SETD3: variants seen among roughly 807,000 people sequenced by gnomAD.
SETD3 encodes SET domain containing 3, actin N3(tau)-histidine methyltransferase.
SETD3 carries 19 observed loss-of-function variants against 63.0 expected under a neutral mutation model. The observed-to-expected ratio is 0.30, with a 90% confidence interval of 0.21 to 0.44. SETD3 has a LOEUF of 0.44. SETD3 is among the 20% of genes least tolerant of loss of function. SETD3 has a pLI of 1.00. For synonymous variants in SETD3, 286 were observed against 264.1 expected, an observed-to-expected ratio of 1.08 and a Z score of -0.80; for missense variants, 587 against 728.5, an observed-to-expected ratio of 0.81 and a Z score of 2.24.
At chr14:99,436,203 G>A (rs1468689064) in intron 6 of SETD3, among the ~76,000 whole-genome samples, 1 of 152,128 alleles carries the variant, frequency 6.6e-6, no homozygotes, top group Non-Finnish European at 1.5e-5. Flanking sequence ...GAATGATGGA[G>A]ATTACAATTC....
intron 6 of SETD3, among the ~76,000 whole-genome samples, chr14:99,437,738 G>A (rs576470154): frequency 6.6e-6 from 1 of 152,170 alleles, no homozygotes; most frequent in Admixed American, 6.5e-5. Context: ...ATCTCTTTCA[G>A]TTTTGAGATA....
intron 1 of SETD3, among the ~76,000 whole-genome samples, chr14:99,468,534 C>T (rs1895522120): frequency 6.6e-6 from 1 of 152,176 alleles, no homozygotes; most frequent in African/African-American, 2.4e-5. Context: ...CAGGGTCAGT[C>T]ACCCTGGAAT....
rs371186295 is a variant in SETD3, at chr14:99,427,613, C to A, written c.676-13679G>T. Among the ~76,000 whole-genome samples the A allele has an allele frequency of 2.0e-4, 31 of 152,304 alleles. No individual in the cohort carries two copies. The South Asian group carries it at 4.1e-3, about 20-fold the overall frequency. On this transcript the variant is annotated intron_variant, in intron 6 of 12. Coordinates refer to ENST00000331768, the MANE Select transcript of SETD3 (RefSeq NM_032233.3). ...ATCCTTGATGTACTAATGCACATTTCTGCAGCTTCAGAGCCACTTTAATCT... is the reference window on the plus strand; with the variant it reads ...ATCCTTGATGTACTAATGCACATTTATGCAGCTTCAGAGCCACTTTAATCT...
chr14:99,423,614 A>AAAAAAAAAAAAAAAAAAAAAAAAAAAAAT (rs1892713714), intron 6 of SETD3, among the ~76,000 whole-genome samples: 1 of 147,022 alleles, frequency 6.8e-6, no homozygotes, highest in African/African-American at 2.5e-5. Flanking sequence ...AAAAAAAAAA[A>AAAAAAAAAAAAAAAAAAAAAAAAAAAAAT]GAGCAGGCAC....
At chr14:99,479,123 G>A (rs1438744761) in intron 1 of SETD3, among the ~76,000 whole-genome samples, 1 of 152,172 alleles carries the variant, frequency 6.6e-6, no homozygotes, top group Admixed American at 6.5e-5. Context: ...TTAGCACACT[G>A]GAGAAGCAAC....
intron 6 of SETD3, among the ~76,000 whole-genome samples, chr14:99,431,420 C>T (rs929593185): frequency 6.6e-6 from 1 of 152,158 alleles, no homozygotes; most frequent in Non-Finnish European, 1.5e-5. Flanking sequence ...CTAGTGCACA[C>T]CATTCACAAA....
intron 1 of SETD3, among the ~76,000 whole-genome samples, chr14:99,473,545 G>A (rs754493911): frequency 6.6e-6 from 1 of 152,174 alleles, no homozygotes; most frequent in Non-Finnish European, 1.5e-5. Flanking sequence ...CTCAAGCACA[G>A]CATCTGTTTT....
intron 1 of SETD3, among the ~76,000 whole-genome samples, chr14:99,473,153 GCTGA>G (rs1303660774): frequency 3.3e-5 from 5 of 152,180 alleles, no homozygotes; most frequent in African/African-American, 7.2e-5. Flanking sequence ...TATTTAAAGT[GCTGA>G]CTAATATACA....
intron 6 of SETD3, among the ~76,000 whole-genome samples, chr14:99,443,541 T>C (rs1893960221): frequency 6.6e-6 from 1 of 152,198 alleles, no homozygotes; most frequent in African/African-American, 2.4e-5. Context: ...CGTGAGCCAC[T>C]GTGCCTGGTC....
intron 1 of SETD3, among the ~76,000 whole-genome samples, chr14:99,479,346 A>G (rs1280147036): frequency 6.6e-6 from 1 of 152,242 alleles, no homozygotes; most frequent in East Asian, 1.9e-4. Context: ...TCACCAAAGT[A>G]TCAATCACGG....
chr14:99,401,717 G>A lies in SETD3; in HGVS notation c.1178-1458C>T, dbSNP rs150304407. Among the ~76,000 whole-genome samples, 5 of 152,252 alleles carry A rather than the reference G, an allele frequency of 3.3e-5. No individual in the cohort carries two copies. The East Asian group carries it at 5.8e-4, about 18-fold the overall frequency. ...TATATTCTTTGCATACAACATGGACGTTCTGTTTTTTTAAGCTTTCTTAGT... is the reference window on the plus strand; with the variant it reads ...TATATTCTTTGCATACAACATGGACATTCTGTTTTTTTAAGCTTTCTTAGT... On this transcript the variant is annotated intron_variant, in intron 11 of 12. Coordinates refer to ENST00000331768, the MANE Select transcript of SETD3 (RefSeq NM_032233.3).
intron 6 of SETD3, among the ~76,000 whole-genome samples, chr14:99,457,405 G>A (rs1277912000): frequency 2.0e-5 from 3 of 152,112 alleles, no homozygotes; most frequent in Non-Finnish European, 4.4e-5. Context: ...AATAATAAAC[G>A]GAAAGCAATA....
chr14:99,467,569 G>T (rs896844541), intron 1 of SETD3, among the ~76,000 whole-genome samples: 1 of 152,218 alleles, frequency 6.6e-6, no homozygotes, highest in African/African-American at 2.4e-5. Flanking sequence ...TGGTAATAAG[G>T]ACGTTAATCA....
intron 3 of SETD3, 77 bp downstream of exon 3, chr14:99,463,409 C>T: frequency 9.1e-7 from 1 of 1,094,532 alleles, no homozygotes; most frequent in South Asian, 1.4e-5. Context: ...GAGACCTTTA[C>T]TACTCGTCAA....
intron 6 of SETD3, among the ~76,000 whole-genome samples, chr14:99,446,271 C>G (rs1316833488): frequency 6.6e-6 from 1 of 152,186 alleles, no homozygotes; most frequent in African/African-American, 2.4e-5. Context: ...AGGAGAAAGC[C>G]CTGTATTTCT....
At chr14:99,457,066 A>T (rs1162229129) in intron 6 of SETD3, among the ~76,000 whole-genome samples, 1 of 152,374 alleles carries the variant, frequency 6.6e-6, no homozygotes, top group East Asian at 1.9e-4. Context: ...TATACCATTG[A>T]GAACTAAGAA....
chr14:99,423,388 T>C (rs955204119), intron 6 of SETD3, among the ~76,000 whole-genome samples: 5 of 151,900 alleles, frequency 3.3e-5, no homozygotes, highest in Admixed American at 1.3e-4. Context: ...AGAATCAAAA[T>C]AGAATGGTAT....
At chr14:99,454,673 C>T (rs1259152850) in intron 6 of SETD3, among the ~76,000 whole-genome samples, 1 of 152,196 alleles carries the variant, frequency 6.6e-6, no homozygotes, top group Non-Finnish European at 1.5e-5. Flanking sequence ...CAACTCTGCT[C>T]GCTCAGCAAC....
chr14:99,443,644 G>A lies in SETD3; in HGVS notation c.675+14635C>T, dbSNP rs112203545. Among the ~76,000 whole-genome samples the A allele has an allele frequency of 9.4e-3, 1,429 of 152,254 alleles. 20 individuals are homozygous for A. Among genetic ancestry groups the A allele is most frequent in the African/African-American group, 0.032 (1,340 of 41,534 alleles). ...AGCTTTGGAAGACAGGATTTATTCCGATTAACTGTGTAAACCTGTAATTCC... is the reference window on the plus strand; with the variant it reads ...AGCTTTGGAAGACAGGATTTATTCCAATTAACTGTGTAAACCTGTAATTCC... On this transcript the variant is annotated intron_variant, in intron 6 of 12. Coordinates refer to ENST00000331768, the MANE Select transcript of SETD3 (RefSeq NM_032233.3).
Sources: gnomAD v4.1 joint callset for allele counts (sites outside exome capture counted in the v4.1 genomes callset) on GRCh38, gnomAD v4.1.1 for gene constraint, MANE v1.5 for transcripts, NCBI Gene and HGNC (gene_info 2026-07-23, HGNC 2026-07-21) for gene names.